RBFOX1: variants seen among roughly 807,000 people sequenced by gnomAD.
RBFOX1 encodes the protein RNA binding protein fox-1 homolog 1.
Under a neutral mutation model 57.7 loss-of-function variants are expected in RBFOX1, and 8 were observed. The ratio of observed to expected loss-of-function variants is 0.14; its 90% CI spans 0.08 to 0.25. The LOEUF (loss-of-function observed/expected upper bound fraction) is 0.25. RBFOX1 is among the 10% of genes least tolerant of loss of function. The pLI, the probability that RBFOX1 is intolerant of heterozygous loss-of-function variation, is 1.00. For missense variants in RBFOX1, 611 were observed against 548.5 expected (o/e 1.11, Z -1.14); for synonymous variants, 326 against 222.4 (o/e 1.47, Z -4.15).
chr16:5,739,811 C>G (rs868425361), intron 3 of RBFOX1, among the ~76,000 whole-genome samples: 1 of 152,348 alleles, frequency 6.6e-6, no homozygotes, highest in Middle Eastern at 3.4e-3. Context: ...CTCTCTCCAT[C>G]TGCACGTGTC....
intron 4 of RBFOX1, among the ~76,000 whole-genome samples, chr16:7,359,799 A>G (rs558023528): frequency 4.9e-4 from 74 of 152,248 alleles, no homozygotes; most frequent in African/African-American, 1.7e-3. Context: ...CCTGGCTAAC[A>G]TGGTGAAACC....
chr16:7,538,336 C>T (rs561560697), intron 5 of RBFOX1, among the ~76,000 whole-genome samples: 6 of 152,300 alleles, frequency 3.9e-5, no homozygotes, highest in Non-Finnish European at 7.3e-5. Flanking sequence ...TAGCCCATAG[C>T]TGCTACTATT....
chr16:5,603,855 C>T (rs2047457268), downstream of RBFOX1, among the ~76,000 whole-genome samples: 1 of 152,212 alleles, frequency 6.6e-6, no homozygotes, highest in Admixed American at 6.5e-5. Context: ...GCATCCTGAA[C>T]TCGTGGAAGT....
intron 10 of RBFOX1, among the ~76,000 whole-genome samples, chr16:7,623,169 A>G (rs548496329): frequency 4.6e-5 from 7 of 152,316 alleles, no homozygotes; most frequent in East Asian, 1.9e-4. Flanking sequence ...ATAGCAAAGT[A>G]TCACAGACTG....
chr16:6,777,692 A>C (rs536509309), intron 3 of RBFOX1, among the ~76,000 whole-genome samples: 10 of 152,200 alleles, frequency 6.6e-5, no homozygotes, highest in African/African-American at 2.2e-4. Context: ...TTGATGTTTT[A>C]ATCTTATGCA....
chr16:5,337,681 C>G (rs79776965), intron 1 of RBFOX1, among the ~76,000 whole-genome samples: 8,285 of 152,268 alleles, frequency 0.054, 788 homozygotes, highest in African/African-American at 0.19. Context: ...TGATGTAAAT[C>G]TGGAAGAGGT....
chr16:7,131,312 C>G (rs540305628), intron 4 of RBFOX1, among the ~76,000 whole-genome samples: 1 of 141,562 alleles, frequency 7.1e-6, no homozygotes, highest in Non-Finnish European at 1.5e-5. Flanking sequence ...CACCATTGCA[C>G]TGCAGCGTGG....
chr16:6,235,138 A>C (rs186431539), intron 1 of RBFOX1, among the ~76,000 whole-genome samples: 3 of 152,188 alleles, frequency 2.0e-5, no homozygotes, highest in Non-Finnish European at 2.9e-5. Flanking sequence ...TTTTGACTCA[A>C]TTATTGGCCT....
chr16:7,133,290 A>G (rs1460547178), intron 4 of RBFOX1, among the ~76,000 whole-genome samples: 5 of 152,148 alleles, frequency 3.3e-5, no homozygotes, highest in Non-Finnish European at 7.4e-5. Context: ...TAAGCCATGG[A>G]GAGTACACTT....
At position 6,336,697 on chromosome 16, in the gene RBFOX1, G is replaced by A. The variant is rs189341557; in HGVS notation, c.-64+19640G>A. ...CCATAAGATTCTGTAAAGAGGTGGG[G>A]GGGAAATTGGATGAGATGATAGATG... is the stretch of plus-strand genomic sequence containing the variant. On this transcript the variant is annotated intron_variant, in intron 2 of 15. Transcript: ENST00000550418. 1.8e-3 allele frequency among the ~76,000 whole-genome samples: 274 copies of A among 152,242 alleles called. 1 individual carries two copies. The highest frequency in any genetic ancestry group is 3.2e-3 in the Non-Finnish European group (216 of 68,016).
At chr16:6,164,343 C>G (rs17139490) in intron 1 of RBFOX1, among the ~76,000 whole-genome samples, 2,962 of 152,188 alleles carry the variant, frequency 0.019, 89 homozygotes, top group African/African-American at 0.067. Context: ...AAAGCTAACT[C>G]TTCAAGTGAT....
intron 3 of RBFOX1, among the ~76,000 whole-genome samples, chr16:6,807,638 A>G (rs971479097): frequency 4.9e-4 from 75 of 152,172 alleles, no homozygotes; most frequent in African/African-American, 1.8e-3. Flanking sequence ...GAGCATGGTG[A>G]AAGCCCATCT....
At chr16:5,575,846 C>T (rs2046433072) in intron 2 of RBFOX1, among the ~76,000 whole-genome samples, 1 of 44,224 alleles carries the variant, frequency 2.3e-5, no homozygotes, top group South Asian at 1.3e-3. Flanking sequence ...AATTTTCTCT[C>T]ATTCAAAAAA....
At chr16:6,496,730 T>A (rs1306886688) in intron 2 of RBFOX1, among the ~76,000 whole-genome samples, 3 of 151,568 alleles carry the variant, frequency 2.0e-5, no homozygotes, top group Non-Finnish European at 4.4e-5. Flanking sequence ...GAGGCCAGGG[T>A]GGGTGGATCG....
intron 4 of RBFOX1, among the ~76,000 whole-genome samples, chr16:5,882,975 T>C (rs1259278854): frequency 6.6e-6 from 1 of 152,204 alleles, no homozygotes; most frequent in Admixed American, 6.5e-5. Flanking sequence ...TTGTTGGCAT[T>C]TTGTTTTCTT....
At chr16:7,606,040 A>C (rs906110657) in intron 9 of RBFOX1, among the ~76,000 whole-genome samples, 1 of 151,500 alleles carries the variant, frequency 6.6e-6, no homozygotes. Context: ...GAAACTCCCA[A>C]CCTCAAGTAA....
At chr16:7,398,477 T>C (rs2098179568) in intron 4 of RBFOX1, among the ~76,000 whole-genome samples, 1 of 152,234 alleles carries the variant, frequency 6.6e-6, no homozygotes, top group South Asian at 2.1e-4. Context: ...ATTAACTTGG[T>C]GATAGGCATC....
intron 4 of RBFOX1, among the ~76,000 whole-genome samples, chr16:7,285,757 C>A (rs1250974968): frequency 1.3e-5 from 2 of 152,108 alleles, no homozygotes; most frequent in Non-Finnish European, 2.9e-5. Flanking sequence ...TATGGATGTA[C>A]CACAGTTTGT....
intron 1 of RBFOX1, among the ~76,000 whole-genome samples, chr16:5,346,106 G>A (rs1265447267): frequency 1.3e-5 from 2 of 152,182 alleles, no homozygotes; most frequent in Non-Finnish European, 2.9e-5. Context: ...ACAGACAAGC[G>A]CACAGAGAAG....
Sources: allele counts gnomAD v4.1 joint callset (sites outside exome capture counted in the v4.1 genomes callset), GRCh38; gene constraint gnomAD v4.1.1; transcripts MANE v1.5; gene names NCBI Gene and HGNC (gene_info 2026-07-23, HGNC 2026-07-21).